TENM4: variants seen among roughly 807,000 people sequenced by gnomAD.
TENM4 encodes teneurin-4.
A neutral mutation model predicts 243.3 loss-of-function variants in TENM4; 82 were observed. That is an observed-to-expected ratio of 0.34 (90% CI 0.28 to 0.40). TENM4 has a LOEUF of 0.40. TENM4 is among the 10% of genes least tolerant of loss of function. The pLI is 1.00. For synonymous variants in TENM4, 1,412 were observed against 1,456.3 expected, an observed-to-expected ratio of 0.97 and a Z score of 0.69; for missense variants, 3,138 against 3,673.3, an observed-to-expected ratio of 0.85 and a Z score of 3.77.
chr11:78,889,455 A>ATGACACTTAT (rs1282508842), intron 9 of TENM4, among the ~76,000 whole-genome samples: 4 of 152,184 alleles, frequency 2.6e-5, no homozygotes, highest in African/African-American at 9.6e-5. Flanking sequence ...GACTCAATCC[A>ATGACACTTAT]TGACACTTAT....
At chr11:79,379,137 C>T (rs995736839) in intron 1 of TENM4, among the ~76,000 whole-genome samples, 7 of 151,992 alleles carry the variant, frequency 4.6e-5, no homozygotes, top group East Asian at 1.9e-4. Flanking sequence ...GGGTGCTGGA[C>T]GGGTTAGCAA....
chr11:79,351,792 C>G (rs2135478851), intron 1 of TENM4, among the ~76,000 whole-genome samples: 1 of 152,326 alleles, frequency 6.6e-6, no homozygotes, highest in South Asian at 2.1e-4. Context: ...CCATCCCAAA[C>G]TTGTTTCTCC....
At chr11:79,037,985 C>G (rs1859429327) in intron 6 of TENM4, among the ~76,000 whole-genome samples, 1 of 152,176 alleles carries the variant, frequency 6.6e-6, no homozygotes, top group Non-Finnish European at 1.5e-5. Context: ...CTCTAAGATG[C>G]CTTCTTTTTA....
At chr11:78,724,539 T>G (rs1855472067) in intron 23 of TENM4, among the ~76,000 whole-genome samples, 1 of 152,236 alleles carries the variant, frequency 6.6e-6, no homozygotes, top group Non-Finnish European at 1.5e-5. Context: ...TACTAAGTTC[T>G]AAAACACCCA....
chr11:79,305,589 G>A (rs1856613189), intron 1 of TENM4, among the ~76,000 whole-genome samples: 2 of 152,174 alleles, frequency 1.3e-5, no homozygotes, highest in African/African-American at 2.4e-5. Flanking sequence ...GATACATCCT[G>A]AGAAGTACAA....
chr11:79,279,384 G>C (rs1015002284), intron 2 of TENM4, among the ~76,000 whole-genome samples: 2 of 152,194 alleles, frequency 1.3e-5, no homozygotes, highest in African/African-American at 4.8e-5. Flanking sequence ...GGGAGAGGAA[G>C]TGTAAACTTT....
chr11:78,769,875 C>T (rs550069124), intron 18 of TENM4, among the ~76,000 whole-genome samples: 7 of 152,356 alleles, frequency 4.6e-5, no homozygotes, highest in African/African-American at 1.4e-4. Context: ...AAATAAACCA[C>T]AGAAATCACA....
Position 78,874,781 on chromosome 11 carries a change from C to T in TENM4, c.1085-11649G>A, listed in dbSNP as rs1443665415. ...GAATATACTCCATTCTACAGATGAT[C>T]TGAGTGGTAAAATTTGAGACAATGT... On this transcript the variant is annotated intron_variant, in intron 9 of 33. Transcript: ENST00000278550. Among the ~76,000 whole-genome samples the T allele has an allele frequency of 2.0e-5, 3 of 152,178 alleles. No individual in the cohort carries two copies. In the East Asian group the frequency reaches 5.8e-4, roughly 29 times the overall value.
In TENM4 at chr11:79,084,340, T is replaced by C. The variant is rs181883466; in HGVS notation, c.-65-14331A>G. ...CTTAGAACACTAAATATGCAATTAC[T>C]GTACAACCTAGCGCTTGTATTCTTG... On this transcript the variant is annotated intron_variant, in intron 4 of 33. Transcript: ENST00000278550. Among the ~76,000 whole-genome samples the C allele has an allele frequency of 1.9e-3, 293 of 152,354 alleles. 1 individual carries two copies. Among genetic ancestry groups the C allele is most frequent in the Middle Eastern group, 6.8e-3 (2 of 294 alleles).
At chr11:78,905,102 T>A (rs930452804) in intron 6 of TENM4, among the ~76,000 whole-genome samples, 15 of 152,340 alleles carry the variant, frequency 9.8e-5, no homozygotes, top group African/African-American at 3.4e-4. Context: ...TACTGTGAGA[T>A]CAAATGAGGC....
chr11:79,345,781 C>T (rs903918876), intron 1 of TENM4, among the ~76,000 whole-genome samples: 1 of 152,064 alleles, frequency 6.6e-6, no homozygotes, highest in Non-Finnish European at 1.5e-5. Context: ...TATACCTTAC[C>T]GATAATTTCA....
rs192450149 is a variant in TENM4 at position 79,136,626 on chromosome 11, G to C, written c.-66+12084C>G. ...CCTCTTCCATCATGGAAAAGGCAGA[G>C]GTTTGTTCTCACTGGAACAGATACT... On this transcript the variant is annotated intron_variant, in intron 4 of 33. Coordinates refer to ENST00000278550, the MANE Select transcript of TENM4 (RefSeq NM_001098816.3). Among the ~76,000 whole-genome samples, 463 of 152,224 alleles carry C rather than the reference G, an allele frequency of 3.0e-3. 2 individuals are homozygous for C. Among genetic ancestry groups the C allele is most frequent in the Non-Finnish European group, 5.0e-3 (341 of 68,014 alleles).
At chr11:79,041,563 C>T (rs1013051478) in intron 6 of TENM4, among the ~76,000 whole-genome samples, 2 of 151,444 alleles carry the variant, frequency 1.3e-5, no homozygotes, top group East Asian at 3.9e-4. Flanking sequence ...AAAACTGGCC[C>T]AAGGCATCTT....
chr11:79,202,762 TAGCTCCCAGACAACTGAGAG>T (rs1209994666), intron 3 of TENM4, among the ~76,000 whole-genome samples: 1 of 152,146 alleles, frequency 6.6e-6, no homozygotes, highest in Non-Finnish European at 1.5e-5. Flanking sequence ...ACACACAGCT[TAGCTCCCAGACAACTGAGAG>T]GAGGTGCTCA....
chr11:78,859,138 C>T (rs998638493), intron 10 of TENM4, among the ~76,000 whole-genome samples: 5 of 152,080 alleles, frequency 3.3e-5, no homozygotes, highest in Admixed American at 6.6e-5. Context: ...CCCCAGCAGG[C>T]TAAATATCAG....
At chr11:78,942,293 A>AAAAAAAAAAAAAAAAAAAAC (rs1856915450) in intron 6 of TENM4, among the ~76,000 whole-genome samples, 1 of 135,680 alleles carries the variant, frequency 7.4e-6, no homozygotes, top group African/African-American at 3.0e-5. Context: ...AAAAAAAAAA[A>AAAAAAAAAAAAAAAAAAAAC]AAAAAAAGCT....
chr11:79,303,573 A>T (rs1347498905), intron 1 of TENM4, among the ~76,000 whole-genome samples: 1 of 152,208 alleles, frequency 6.6e-6, no homozygotes, highest in Non-Finnish European at 1.5e-5. Context: ...TAATTCAGTG[A>T]GTTAAGTACT....
intron 4 of TENM4, among the ~76,000 whole-genome samples, chr11:79,146,453 A>C (rs117724600): frequency 0.011 from 1,602 of 152,240 alleles, 36 homozygotes; most frequent in East Asian, 0.073. Context: ...AGAGACTCAG[A>C]AGGATGGCCA....
chr11:78,912,915 A>G (rs1162983162), intron 6 of TENM4, among the ~76,000 whole-genome samples: 1 of 152,188 alleles, frequency 6.6e-6, no homozygotes, highest in Non-Finnish European at 1.5e-5. Context: ...ACCAAATTTC[A>G]TTCTTGCGCT....
Sources: gnomAD v4.1 joint callset for allele counts (sites outside exome capture counted in the v4.1 genomes callset) on GRCh38, gnomAD v4.1.1 for gene constraint, MANE v1.5 for transcripts, NCBI Gene and HGNC (gene_info 2026-07-23, HGNC 2026-07-21) for gene names.